Variants in TMEM132C observed in about 807,000 individuals in gnomAD.
The protein encoded by TMEM132C is protein phosphatase 1, regulatory subunit 152.
TMEM132C carries 29 observed loss-of-function variants against 61.4 expected under a neutral mutation model. The ratio of observed to expected loss-of-function variants is 0.47; its 90% CI spans 0.35 to 0.64. The LOEUF (loss-of-function observed/expected upper bound fraction) is 0.64, where lower values mean the gene tolerates loss of function less well. Ranked by LOEUF, TMEM132C falls within the 30% of genes least tolerant of loss-of-function variation. TMEM132C has a pLI of 0.00. For missense variants in TMEM132C, 1,408 were observed against 1,476.9 expected (o/e 0.95, Z 0.76); for synonymous variants, 656 against 633.1 (o/e 1.04, Z -0.54).
chr12:128,320,091 A>C (rs1307880013), intron 1 of TMEM132C, among the ~76,000 whole-genome samples: 1 of 152,172 alleles, frequency 6.6e-6, no homozygotes, highest in Admixed American at 6.6e-5. Context: ...AAGTCGCCAA[A>C]AGTTGTTAGT....
chr12:128,536,538 A>AGAG (rs112458142), intron 2 of TMEM132C, among the ~76,000 whole-genome samples: 2,666 of 151,280 alleles, frequency 0.018, 57 homozygotes, highest in Non-Finnish European at 0.023. Flanking sequence ...ATGAAAAAAA[A>AGAG]AGAGAAGGTG....
rs1304959879 is a variant in TMEM132C, at chr12:128,377,600, T to C, written c.86-37132T>C. On this transcript the variant is annotated intron_variant, in intron 1 of 8. Transcript: ENST00000435159. ...CAGAGTAGAAGAGAAAACAGTGCTG[T>C]GTAATGAGACTTTTATTTTGGTGAG... Among the ~76,000 whole-genome samples the C allele has an allele frequency of 2.0e-5, 3 of 152,306 alleles. No homozygotes were observed. The East Asian group carries it at 5.8e-4, about 29-fold the overall frequency.
chr12:128,397,705 C>A (rs1875011413), intron 1 of TMEM132C, among the ~76,000 whole-genome samples: 1 of 152,130 alleles, frequency 6.6e-6, no homozygotes, highest in Non-Finnish European at 1.5e-5. Flanking sequence ...CCTTGCACTC[C>A]TGCAGCGTGG....
chr12:128,413,042 T>A (rs1868617479), intron 1 of TMEM132C, among the ~76,000 whole-genome samples: 1 of 152,122 alleles, frequency 6.6e-6, no homozygotes, highest in Non-Finnish European at 1.5e-5. Context: ...CTCACATATG[T>A]AATCCCAGCA....
intron 2 of TMEM132C, among the ~76,000 whole-genome samples, chr12:128,539,724 T>C (rs1451711000): frequency 6.6e-6 from 1 of 152,184 alleles, no homozygotes; most frequent in Admixed American, 6.5e-5. Flanking sequence ...CATTTTTTAT[T>C]GTCTTCTAGG....
chr12:128,508,879 A>C (rs1225361176), intron 2 of TMEM132C, among the ~76,000 whole-genome samples: 1 of 152,138 alleles, frequency 6.6e-6, no homozygotes, highest in African/African-American at 2.4e-5. Context: ...ATGTCGTGTC[A>C]TGTCATGTCA....
intron 3 of TMEM132C, among the ~76,000 whole-genome samples, chr12:128,579,967 C>G (rs894036057): frequency 6.6e-6 from 1 of 151,830 alleles, no homozygotes; most frequent in Non-Finnish European, 1.5e-5. Context: ...ATGGGAGGTT[C>G]AAAGAAAGGG....
intron 3 of TMEM132C, among the ~76,000 whole-genome samples, chr12:128,594,185 G>A (rs1237707425): frequency 6.6e-6 from 1 of 152,092 alleles, no homozygotes; most frequent in Non-Finnish European, 1.5e-5. Flanking sequence ...GCCCTGCACA[G>A]CTTGACACAG....
Position 128,364,280 on chromosome 12 carries a change from TC to T in TMEM132C, c.86-50447del, listed in dbSNP as rs772633417. Reference sequence around the variant, plus strand: ...TCTCTTCCTCTCACCCCTCCCTCTCTCCCCCTATCTTTCTCTCTCTCTCTCT... The same window carrying T: ...TCTCTTCCTCTCACCCCTCCCTCTCTCCCCTATCTTTCTCTCTCTCTCTCT... On this transcript the variant is annotated intron_variant, in intron 1 of 8. Transcript: ENST00000435159. Among the ~76,000 whole-genome samples, 250 of 122,238 alleles carry T rather than the reference TC, an allele frequency of 2.0e-3. 1 individual carries two copies. Among genetic ancestry groups the T allele is most frequent in the Middle Eastern group, 3.8e-3 (1 of 260 alleles). The allele number at this position is 122,238 out of a possible 152,430, so 80.2% of individuals were successfully genotyped here.
chr12:128,448,620 G>T (rs1870073310), intron 2 of TMEM132C, among the ~76,000 whole-genome samples: 1 of 152,132 alleles, frequency 6.6e-6, no homozygotes, highest in South Asian at 2.1e-4. Flanking sequence ...CAAATCACAA[G>T]TCCATCCCAT....
chr12:128,377,636 A>C (rs187365712), intron 1 of TMEM132C, among the ~76,000 whole-genome samples: 195 of 152,374 alleles, frequency 1.3e-3, no homozygotes, highest in South Asian at 4.1e-3. Context: ...ATGAATTCAT[A>C]TATGTGTATA....
intron 8 of TMEM132C, among the ~76,000 whole-genome samples, chr12:128,702,143 G>A (rs1048971648): frequency 6.6e-6 from 1 of 151,786 alleles, no homozygotes; most frequent in Non-Finnish European, 1.5e-5. Flanking sequence ...CAGGTGATCC[G>A]CCCACCTCGG....
chr12:128,273,539 A>G (rs1205308487), intron 1 of TMEM132C, among the ~76,000 whole-genome samples: 5 of 152,188 alleles, frequency 3.3e-5, no homozygotes, highest in African/African-American at 9.6e-5. Flanking sequence ...CTTATATTTA[A>G]TGTAATTATT....
At chr12:128,497,733 T>G (rs1459694354) in intron 2 of TMEM132C, among the ~76,000 whole-genome samples, 1 of 152,126 alleles carries the variant, frequency 6.6e-6, no homozygotes, top group Non-Finnish European at 1.5e-5. Flanking sequence ...GTCTGTCACC[T>G]CTTCCCTTGG....
chr12:128,633,752 G>C (rs1389589991), intron 4 of TMEM132C, among the ~76,000 whole-genome samples: 1 of 152,160 alleles, frequency 6.6e-6, no homozygotes, highest in Non-Finnish European at 1.5e-5. Context: ...TTACCAAACA[G>C]TTCTTGGCAA....
At chr12:128,555,096 G>C (rs1185260443) in intron 3 of TMEM132C, among the ~76,000 whole-genome samples, 1 of 152,178 alleles carries the variant, frequency 6.6e-6, no homozygotes, top group African/African-American at 2.4e-5. Flanking sequence ...CTCTGCTGCA[G>C]GGGAGAAAAG....
chr12:128,700,342 C>T (rs1181260826), intron 8 of TMEM132C, among the ~76,000 whole-genome samples: 2 of 152,222 alleles, frequency 1.3e-5, no homozygotes, highest in Non-Finnish European at 2.9e-5. Context: ...TGATGAAACA[C>T]TACATTCCAG....
intron 1 of TMEM132C, among the ~76,000 whole-genome samples, chr12:128,385,663 G>A (rs539777955): frequency 2.6e-5 from 4 of 152,328 alleles, no homozygotes; most frequent in African/African-American, 7.2e-5. Flanking sequence ...CATTGGAGGA[G>A]AACAGGGAGT....
At chr12:128,552,774 G>A (rs1593097681) in intron 3 of TMEM132C, among the ~76,000 whole-genome samples, 1 of 152,264 alleles carries the variant, frequency 6.6e-6, no homozygotes, top group South Asian at 2.1e-4. Flanking sequence ...TGTTCATGGT[G>A]GTGCGTGCCT....
Sources: allele counts gnomAD v4.1 joint callset (sites outside exome capture counted in the v4.1 genomes callset), GRCh38; gene constraint gnomAD v4.1.1; transcripts MANE v1.5; gene names NCBI Gene and HGNC (gene_info 2026-07-23, HGNC 2026-07-21).